The following SAV1 variants were observed in gnomAD, a reference collection of about 807,000 sequenced individuals.
The protein encoded by SAV1 is salvador family WW domain containing protein 1, also known as protein salvador homolog 1.
A neutral mutation model predicts 47.3 loss-of-function variants in SAV1; 23 were observed. That is an observed-to-expected ratio of 0.49 (90% CI 0.35 to 0.69). The LOEUF is 0.69. Among genes scored for constraint, SAV1 ranks in the 30% least tolerant of loss-of-function variants. The pLI is 0.01. For synonymous variants in SAV1, 155 were observed against 159.2 expected (o/e 0.97, Z 0.20); for missense variants, 448 against 457.4 (o/e 0.98, Z 0.19).
intron 2 of SAV1, among the ~76,000 whole-genome samples, chr14:50,658,690 G>C (rs2039833038): frequency 6.6e-6 from 1 of 152,144 alleles, no homozygotes; most frequent in African/African-American, 2.4e-5. Flanking sequence ...AAAATTCAAT[G>C]TTTCTGAAAA....
At chr14:50,649,109 G>A (rs1055372632) in intron 2 of SAV1, among the ~76,000 whole-genome samples, 6 of 152,220 alleles carry the variant, frequency 3.9e-5, no homozygotes, top group Middle Eastern at 3.4e-3. Context: ...GGTACTGGCT[G>A]TTTATTCTCC....
intron 2 of SAV1, chr14:50,662,947 C>T (rs1484591202): frequency 6.6e-6 from 1 of 152,224 alleles, no homozygotes; most frequent in Non-Finnish European, 1.5e-5. Context: ...ATGTGCTGTG[C>T]TAATCCTATC....
chr14:50,643,965 A>G (rs925405076), intron 3 of SAV1, among the ~76,000 whole-genome samples: 1 of 152,204 alleles, frequency 6.6e-6, no homozygotes, highest in Non-Finnish European at 1.5e-5. Context: ...AATGCAGATG[A>G]TATTTTACTC....
chr14:50,668,029 G>C lies in SAV1; in HGVS notation c.-62C>G. 2 of 1,294,944 alleles carry C rather than the reference G, an allele frequency of 1.5e-6. No homozygotes were observed. Among genetic ancestry groups the C allele is most frequent in the Non-Finnish European group, 1.0e-6 (1 of 979,912 alleles). The allele number at this position is 1,294,944 out of a possible 1,614,324, so 80.2% of individuals were successfully genotyped here. ...TCCCTAGGGCTCCGCGCCGGGCGCC[G>C]GCCGTCTCCGCCGCCACCTCCGCCG... is the stretch of plus-strand genomic sequence containing the variant. On this transcript the variant is annotated 5_prime_UTR_variant, in exon 1 of 5. Transcript: ENST00000324679.
At chr14:50,657,806 A>C (rs1207150748) in intron 2 of SAV1, among the ~76,000 whole-genome samples, 12 of 152,232 alleles carry the variant, frequency 7.9e-5, no homozygotes, top group Admixed American at 7.9e-4. Context: ...CACACTAAAC[A>C]TATGACTTAG....
chr14:50,643,819 T>C (rs1158472575), intron 3 of SAV1, among the ~76,000 whole-genome samples: 2 of 152,222 alleles, frequency 1.3e-5, no homozygotes, highest in Non-Finnish European at 2.9e-5. Context: ...AACACAATAA[T>C]GATAAAGCTT....
At chr14:50,663,994 G>C (rs1400184167) in intron 2 of SAV1, among the ~76,000 whole-genome samples, 2 of 151,852 alleles carry the variant, frequency 1.3e-5, no homozygotes, top group African/African-American at 4.8e-5. Flanking sequence ...CCTTCTTCTG[G>C]CCCTTGTTAA....
intron 4 of SAV1, among the ~76,000 whole-genome samples, chr14:50,637,458 C>G (rs2039643081): frequency 6.6e-6 from 1 of 152,142 alleles, no homozygotes; most frequent in South Asian, 2.1e-4. Context: ...TCAGCAATGT[C>G]TACTAAGTCA....
At position 50,634,805 on chromosome 14, in the gene SAV1, T is replaced by C. The variant is rs1263431626; in HGVS notation, c.*378A>G. On this transcript the variant is annotated 3_prime_UTR_variant, in exon 5 of 5. Coordinates refer to ENST00000324679, the MANE Select transcript of SAV1 (RefSeq NM_021818.4). Reference sequence around the variant, plus strand: ...TATTTCACACTACAGCGGTAAACTTTTTTTTTAAAAAAATACCGCAGATTC... The same window carrying C: ...TATTTCACACTACAGCGGTAAACTTCTTTTTTAAAAAAATACCGCAGATTC... 2 of 176,610 alleles carry C rather than the reference T, an allele frequency of 1.1e-5. No homozygotes were observed. Among genetic ancestry groups the C allele is most frequent in the Non-Finnish European group, 2.4e-5 (2 of 84,324 alleles). The allele number at this position is 176,610 out of a possible 1,614,324, so 10.9% of individuals were successfully genotyped here.
chr14:50,652,026 G>T (rs2039773658), intron 2 of SAV1, among the ~76,000 whole-genome samples: 1 of 152,130 alleles, frequency 6.6e-6, no homozygotes, highest in Admixed American at 6.5e-5. Flanking sequence ...TAATCATATT[G>T]TCGATGATAC....
intron 2 of SAV1, among the ~76,000 whole-genome samples, chr14:50,652,119 G>C (rs1334235970): frequency 6.6e-6 from 1 of 151,990 alleles, no homozygotes; most frequent in Non-Finnish European, 1.5e-5. Flanking sequence ...TTCAGTATGA[G>C]AAAAAAATAA....
chr14:50,655,950 CAGA>C (rs1008813441), intron 2 of SAV1, among the ~76,000 whole-genome samples: 1 of 152,134 alleles, frequency 6.6e-6, no homozygotes, highest in African/African-American at 2.4e-5. Flanking sequence ...GAGGATGAGG[CAGA>C]AGAATCACTT....
At chr14:50,636,381 G>C (rs2039634777) in intron 4 of SAV1, among the ~76,000 whole-genome samples, 1 of 152,098 alleles carries the variant, frequency 6.6e-6, no homozygotes, top group African/African-American at 2.4e-5. Context: ...TCAATTCGTG[G>C]CTCTAAGTAT....
intron 2 of SAV1, among the ~76,000 whole-genome samples, chr14:50,656,229 ATATT>A (rs2039811322): frequency 6.6e-6 from 1 of 152,176 alleles, no homozygotes. Context: ...TTTGGGATTC[ATATT>A]TAAAGGAAGC....
At chr14:50,646,676 ACT>A (rs2039724671) in intron 2 of SAV1, among the ~76,000 whole-genome samples, 1 of 134,434 alleles carries the variant, frequency 7.4e-6, no homozygotes, top group Admixed American at 7.8e-5. Flanking sequence ...CGAGAGTGAA[ACT>A]CTGTCTCAAA....
chr14:50,655,229 A>C (rs1449008926), intron 2 of SAV1, among the ~76,000 whole-genome samples: 1 of 152,186 alleles, frequency 6.6e-6, no homozygotes, highest in African/African-American at 2.4e-5. Context: ...TTACATTCTA[A>C]TATGTTCATT....
At chr14:50,657,661 A>G (rs77540795) in intron 2 of SAV1, among the ~76,000 whole-genome samples, 6 of 152,354 alleles carry the variant, frequency 3.9e-5, no homozygotes, top group Non-Finnish European at 8.8e-5. Context: ...AGTGACAAGA[A>G]CAAAATTACC....
At chr14:50,657,239 T>A (rs2039820709) in intron 2 of SAV1, among the ~76,000 whole-genome samples, 1 of 152,162 alleles carries the variant, frequency 6.6e-6, no homozygotes, top group South Asian at 2.1e-4. Context: ...TTCACCATGT[T>A]GGTCAGGCTG....
rs115657701 is a variant in SAV1 at position 50,661,674 on chromosome 14, G to A, written c.535+3505C>T. Among the ~76,000 whole-genome samples the A allele has an allele frequency of 5.0e-3, 759 of 152,228 alleles. 6 individuals are homozygous for A. The highest frequency in any genetic ancestry group is 0.017 in the African/African-American group (715 of 41,526). On this transcript the variant is annotated intron_variant, in intron 2 of 4. Transcript: ENST00000324679. ...GTGGATATCCAATTTTCCCAGCATC[G>A]TTTATTGAAGAAAGTGTCCTTTTCC...
Sources: gnomAD v4.1 joint callset for allele counts (sites outside exome capture counted in the v4.1 genomes callset) on GRCh38, gnomAD v4.1.1 for gene constraint, MANE v1.5 for transcripts, NCBI Gene and HGNC (gene_info 2026-07-23, HGNC 2026-07-21) for gene names.